Variants in FAM98B observed in about 807,000 individuals in gnomAD.
The protein encoded by FAM98B is tRNA splicing ligase complex subunit 3B.
A neutral mutation model predicts 43.9 loss-of-function variants in FAM98B; 32 were observed. The observed-to-expected ratio is 0.73, with a 90% CI of 0.55 to 0.98. FAM98B has a LOEUF of 0.98. Ranked by LOEUF, FAM98B falls within the 50% of genes least tolerant of loss-of-function variation. The pLI is 0.00. For synonymous variants in FAM98B, 190 were observed against 174.0 expected (o/e 1.09, Z -0.72); for missense variants, 514 against 522.9 (o/e 0.98, Z 0.17).
intron 3 of FAM98B, 151 bp downstream of exon 3, chr15:38,465,554 A>C (rs1214762655): frequency 1.4e-6 from 1 of 699,906 alleles, no homozygotes; most frequent in Non-Finnish European, 2.1e-6. Context: ...AAATGTTTAT[A>C]TAATATAGTA....
intron 1 of FAM98B, among the ~76,000 whole-genome samples, chr15:38,460,816 T>G (rs1405004114): frequency 6.6e-6 from 1 of 152,176 alleles, no homozygotes; most frequent in African/African-American, 2.4e-5. Flanking sequence ...TTATTTACCT[T>G]TATCATCCTG....
chr15:38,473,406 A>G (rs1221127511), intron 4 of FAM98B, 99 bp from the exon 5 acceptor site: 1 of 752,878 alleles, frequency 1.3e-6, no homozygotes, highest in Non-Finnish European at 2.1e-6. Flanking sequence ...TCACTTTAAT[A>G]TTTTATTCTG....
chr15:38,464,044 A>C lies in FAM98B; in HGVS notation c.84A>C (p.Pro28=). The change falls in exon 2 of 8, where the codon CCA becomes CCC. Residue 28 remains proline, a synonymous_variant. Transcript: ENST00000397609. ...DTLEALGYKG[P]LLEEQALTKA... ...TCTTCCTTTCTAGGTATAAAGGACC[A>C]TTGTTAGAAGAGCAAGCCCTTACAA... 6.2e-7 allele frequency: 1 copy of C among 1,610,758 alleles called. No homozygotes were observed. Among genetic ancestry groups the C allele is most frequent in the Non-Finnish European group, 8.5e-7 (1 of 1,178,426 alleles).
intron 1 of FAM98B, among the ~76,000 whole-genome samples, chr15:38,456,073 CA>C (rs1193240667): frequency 6.6e-6 from 1 of 152,094 alleles, no homozygotes; most frequent in Non-Finnish European, 1.5e-5. Flanking sequence ...AGGATATCAG[CA>C]AAGGTACTTC....
rs916089080 is a variant in FAM98B, at chr15:38,484,413, T to G, written c.1056T>G (p.Gly352=). ...GGGGGRGGGG[G]GGGRGGWGGG... ...GTGGTGGTAGAGGAGGTGGTGGGGG[T>G]GGGGGTGGGAGAGGTGGCTGGGGGG... The change falls in exon 8 of 8, where the codon GGT becomes GGG. Residue 352 remains glycine, a synonymous_variant. Transcript: ENST00000397609. 29 of 190,808 alleles carry G rather than the reference T, an allele frequency of 1.5e-4. No homozygotes were observed. The highest frequency in any genetic ancestry group is 1.1e-3 in the African/African-American group (10 of 9,080). 11.8% of individuals were successfully genotyped at this position (190,808 alleles called of 1,614,324 possible). A position where few individuals can be genotyped will look rare whatever the true frequency, so the allele number is the denominator to read the frequency against.
chr15:38,468,118 C>T (rs1890067408), intron 3 of FAM98B, among the ~76,000 whole-genome samples: 1 of 152,100 alleles, frequency 6.6e-6, no homozygotes, highest in African/African-American at 2.4e-5. Flanking sequence ...AATGCTAAAC[C>T]CTTGTTTGTA....
Position 38,484,605 on chromosome 15 carries a change from AGGTGGTGGTGGTGGTGGTGGT to A in FAM98B, c.1257_1277del (p.Gly421_Gly427del), listed in dbSNP as rs201831942. On this transcript the variant is annotated inframe_deletion, in exon 8 of 8. Coordinates refer to ENST00000397609, the MANE Select transcript of FAM98B (RefSeq NM_173611.4). Reference sequence around the variant, plus strand: ...GAGGCTATGGAGATCCATATGGAGGAGGTGGTGGTGGTGGTGGTGGTGGTGGTGGAGGAGGTGGATATAGAA... The same window carrying A: ...GAGGCTATGGAGATCCATATGGAGGAGGTGGTGGAGGAGGTGGATATAGAA... 9.5e-6 allele frequency: 10 copies of A among 1,049,760 alleles called. No homozygotes were observed. Among genetic ancestry groups the A allele is most frequent in the Middle Eastern group, 3.5e-4 (1 of 2,870 alleles). 65.0% of individuals were successfully genotyped at this position (1,049,760 alleles called of 1,614,324 possible).
intron 3 of FAM98B, among the ~76,000 whole-genome samples, chr15:38,466,882 A>G (rs914784462): frequency 5.3e-5 from 8 of 151,998 alleles, no homozygotes; most frequent in African/African-American, 1.9e-4. Flanking sequence ...ACACTCTCAC[A>G]CTCGCACTCA....
intron 6 of FAM98B, 130 bp downstream of exon 6, chr15:38,474,428 A>G: frequency 6.9e-6 from 4 of 577,408 alleles, no homozygotes; most frequent in South Asian, 3.3e-5. Context: ...CAGGCCAACT[A>G]CTGGTCTTAC....
intron 7 of FAM98B, 21 bp downstream of exon 7, chr15:38,481,480 A>G: frequency 6.2e-7 from 1 of 1,614,194 alleles, no homozygotes; most frequent in Non-Finnish European, 8.5e-7. Context: ...CTTTCAGTAC[A>G]GTGGAAAATG....
chr15:38,478,943 T>C (rs1214489615), intron 6 of FAM98B, among the ~76,000 whole-genome samples: 1 of 152,170 alleles, frequency 6.6e-6, no homozygotes, highest in African/African-American at 2.4e-5. Context: ...TTTTGAGATA[T>C]AATTAACATA....
intron 6 of FAM98B, among the ~76,000 whole-genome samples, chr15:38,475,875 A>G (rs796967341): frequency 6.9e-6 from 1 of 144,126 alleles, no homozygotes; most frequent in African/African-American, 2.6e-5. Context: ...GCTTTTTTTT[A>G]AAAAACTATA....
At chr15:38,476,603 C>G (rs925042472) in intron 6 of FAM98B, among the ~76,000 whole-genome samples, 2 of 149,396 alleles carry the variant, frequency 1.3e-5, no homozygotes, top group African/African-American at 4.9e-5. Context: ...ATTTTTGTTT[C>G]TGCAATTATT....
At chr15:38,456,169 C>T (rs767332511) in intron 1 of FAM98B, among the ~76,000 whole-genome samples, 1 of 152,118 alleles carries the variant, frequency 6.6e-6, no homozygotes, top group Non-Finnish European at 1.5e-5. Context: ...CAGGTGAAAA[C>T]AGGATAGGCT....
chr15:38,477,517 C>T (rs141888931), intron 6 of FAM98B, among the ~76,000 whole-genome samples: 17 of 152,178 alleles, frequency 1.1e-4, no homozygotes, highest in Admixed American at 1.1e-3. Flanking sequence ...AGAAATCCTC[C>T]CTCGTGTGTT....
At chr15:38,459,979 G>T (rs1189799698) in intron 1 of FAM98B, among the ~76,000 whole-genome samples, 2 of 152,242 alleles carry the variant, frequency 1.3e-5, no homozygotes, top group African/African-American at 4.8e-5. Context: ...GATGGGAAAA[G>T]AAAGGGTCTT....
chr15:38,461,761 T>G (rs1243258099), intron 1 of FAM98B, among the ~76,000 whole-genome samples: 3 of 152,112 alleles, frequency 2.0e-5, no homozygotes, highest in African/African-American at 7.2e-5. Flanking sequence ...AAGAGAAATG[T>G]AGATAAAACT....
intron 1 of FAM98B, 132 bp from the exon 2 acceptor site, chr15:38,463,900 A>T: frequency 1.2e-6 from 1 of 824,150 alleles, no homozygotes; most frequent in Non-Finnish European, 1.8e-6. Flanking sequence ...TTTGTAGATT[A>T]ATACATTTAA....
chr15:38,468,378 C>G (rs746216333), intron 3 of FAM98B, among the ~76,000 whole-genome samples: 12 of 152,016 alleles, frequency 7.9e-5, no homozygotes, highest in Non-Finnish European at 1.6e-4. Context: ...GCGTACACCA[C>G]CATGCCTAGC....
Sources: allele counts gnomAD v4.1 joint callset (sites outside exome capture counted in the v4.1 genomes callset), GRCh38; gene constraint gnomAD v4.1.1; transcripts MANE v1.5; gene names NCBI Gene and HGNC (gene_info 2026-07-23, HGNC 2026-07-21).